ZFAND3: variants seen among roughly 807,000 people sequenced by gnomAD.
ZFAND3 encodes AN1-type zinc finger protein 3.
In ZFAND3, 10 loss-of-function variants were observed where a neutral mutation model predicts 29.6. That is an observed-to-expected ratio of 0.34 (90% CI 0.21 to 0.57). The LOEUF (loss-of-function observed/expected upper bound fraction) is 0.57. ZFAND3 is among the 20% of genes least tolerant of loss of function. The pLI is 0.86. For synonymous variants in ZFAND3, 128 were observed against 112.6 expected (o/e 1.14, Z -0.87); for missense variants, 230 against 304.5 (o/e 0.76, Z 1.82).
At chr6:37,896,443 C>G (rs1166982447) in intron 1 of ZFAND3, among the ~76,000 whole-genome samples, 2 of 151,902 alleles carry the variant, frequency 1.3e-5, no homozygotes, top group African/African-American at 4.8e-5. Context: ...TTTTGGTTTG[C>G]TAAATTTTGT....
chr6:38,097,746 T>C (rs1765011212), intron 4 of ZFAND3, among the ~76,000 whole-genome samples: 1 of 152,162 alleles, frequency 6.6e-6, no homozygotes, highest in Non-Finnish European at 1.5e-5. Context: ...AGATGGTACC[T>C]GACAATCTTG....
chr6:37,828,988 T>G (rs1054203225), intron 1 of ZFAND3, among the ~76,000 whole-genome samples: 4 of 152,188 alleles, frequency 2.6e-5, no homozygotes, highest in Non-Finnish European at 5.9e-5. Context: ...GCTGCTGAAA[T>G]CTAAAAAAAC....
intron 2 of ZFAND3, among the ~76,000 whole-genome samples, chr6:37,955,149 T>TGTG (rs1762064572): frequency 5.4e-5 from 8 of 148,846 alleles, no homozygotes; most frequent in East Asian, 2.0e-4. Flanking sequence ...CAACCAATTT[T>TGTG]TGTGTGTGTG....
intron 2 of ZFAND3, among the ~76,000 whole-genome samples, chr6:37,999,065 A>G (rs1260330318): frequency 2.0e-5 from 3 of 152,204 alleles, no homozygotes; most frequent in Non-Finnish European, 4.4e-5. Context: ...GGACTGGAGT[A>G]GGAAATATAT....
intron 2 of ZFAND3, among the ~76,000 whole-genome samples, chr6:37,932,492 T>C (rs753378819): frequency 6.6e-6 from 1 of 152,204 alleles, no homozygotes; most frequent in Non-Finnish European, 1.5e-5. Context: ...CCAACACTTC[T>C]GGTCTCAAGC....
chr6:38,060,615 C>G (rs1423170665), intron 2 of ZFAND3, among the ~76,000 whole-genome samples: 2 of 152,024 alleles, frequency 1.3e-5, no homozygotes, highest in Non-Finnish European at 2.9e-5. Context: ...CCACCCTCAG[C>G]TCATTTTTTA....
chr6:38,130,571 A>G (rs771334556), intron 5 of ZFAND3, among the ~76,000 whole-genome samples: 1 of 152,198 alleles, frequency 6.6e-6, no homozygotes, highest in Non-Finnish European at 1.5e-5. Flanking sequence ...TGAGATGATC[A>G]TGTGATTTTT....
At chr6:38,115,861 C>T (rs1765406408) in intron 4 of ZFAND3, among the ~76,000 whole-genome samples, 1 of 152,152 alleles carries the variant, frequency 6.6e-6, no homozygotes, top group Non-Finnish European at 1.5e-5. Context: ...CCCCCCTCCA[C>T]CTACCATTTT....
chr6:37,962,871 C>T (rs898971918), intron 2 of ZFAND3, among the ~76,000 whole-genome samples: 4 of 152,238 alleles, frequency 2.6e-5, no homozygotes, highest in African/African-American at 9.6e-5. Context: ...AGAGCTGTAA[C>T]ACTTACTGTG....
chr6:37,869,776 T>C, intron 1 of ZFAND3, among the ~76,000 whole-genome samples: 1 of 151,916 alleles, frequency 6.6e-6, no homozygotes. Flanking sequence ...CCTCACAAAG[T>C]GCTGGTATTA....
intron 1 of ZFAND3, among the ~76,000 whole-genome samples, chr6:37,844,796 C>T (rs1177873390): frequency 6.6e-6 from 1 of 150,740 alleles, no homozygotes; most frequent in Non-Finnish European, 1.5e-5. Context: ...GGGCGGATCA[C>T]GAAGTCAGGA....
intron 3 of ZFAND3, 128 bp downstream of exon 3, chr6:38,061,903 G>T (rs1764248676): frequency 2.7e-6 from 3 of 1,130,040 alleles, no homozygotes; most frequent in Admixed American, 2.8e-5. Context: ...CACATACAAG[G>T]CCCAAGCTCA....
intron 2 of ZFAND3, among the ~76,000 whole-genome samples, chr6:38,020,542 G>T (rs1254334557): frequency 2.6e-5 from 4 of 152,130 alleles, no homozygotes; most frequent in Admixed American, 2.0e-4. Context: ...GGAGACAACT[G>T]CTGGCTTTTG....
chr6:37,890,957 A>T (rs1207752759), intron 1 of ZFAND3, among the ~76,000 whole-genome samples: 2 of 152,244 alleles, frequency 1.3e-5, no homozygotes, highest in East Asian at 3.8e-4. Flanking sequence ...TCGGAAGATG[A>T]GCAGAAACTG....
chr6:37,883,963 T>C (rs1764943486), intron 1 of ZFAND3, among the ~76,000 whole-genome samples: 1 of 145,416 alleles, frequency 6.9e-6, no homozygotes, highest in South Asian at 2.1e-4. Flanking sequence ...GTTATAGTCA[T>C]CCTTGGTGGA....
At chr6:37,858,545 A>G (rs1764424150) in intron 1 of ZFAND3, among the ~76,000 whole-genome samples, 2 of 152,214 alleles carry the variant, frequency 1.3e-5, no homozygotes. Context: ...AGTTTTTTCC[A>G]TAAAACATTT....
At chr6:38,116,527 A>G (rs760717150) in intron 4 of ZFAND3, 45 bp from the exon 5 acceptor site, 3 of 1,569,264 alleles carry the variant, frequency 1.9e-6, no homozygotes, top group Non-Finnish European at 2.6e-6. Context: ...TGTGCTTGCC[A>G]GGCCAGGCAC....
chr6:38,051,997 A>G (rs966174560), intron 2 of ZFAND3, among the ~76,000 whole-genome samples: 1 of 152,166 alleles, frequency 6.6e-6, no homozygotes, highest in Non-Finnish European at 1.5e-5. Context: ...TTTTTTTGCT[A>G]GTTCACACCT....
At chr6:37,864,776 C>G (rs1274790452) in intron 1 of ZFAND3, among the ~76,000 whole-genome samples, 1 of 151,754 alleles carries the variant, frequency 6.6e-6, no homozygotes, top group East Asian at 1.9e-4. Context: ...CACACATGCA[C>G]ACATACACGC....
Sources: allele counts gnomAD v4.1 joint callset (sites outside exome capture counted in the v4.1 genomes callset), GRCh38; gene constraint gnomAD v4.1.1; transcripts MANE v1.5; gene names NCBI Gene and HGNC (gene_info 2026-07-23, HGNC 2026-07-21).